The following IL7R variants were observed in gnomAD, a reference collection of about 807,000 sequenced individuals.
IL7R encodes the protein interleukin-7 receptor subunit alpha.
Under a neutral mutation model 47.0 loss-of-function variants are expected in IL7R, and 38 were observed. The ratio of observed to expected loss-of-function variants is 0.81; its 90% CI spans 0.62 to 1.06. IL7R has a LOEUF of 1.06. Among genes scored for constraint, IL7R ranks in the 50% least tolerant of loss-of-function variants. The pLI is 0.00. For synonymous variants in IL7R, 221 were observed against 199.8 expected (o/e 1.11, Z -0.89); for missense variants, 633 against 534.8 (o/e 1.18, Z -1.81).
chr5:35,875,098 C>G (rs890656249), intron 6 of IL7R, among the ~76,000 whole-genome samples: 4 of 152,276 alleles, frequency 2.6e-5, no homozygotes, highest in Middle Eastern at 3.4e-3. Context: ...TCCCCCACTT[C>G]CACCAAAATT....
chr5:35,864,253 C>T (rs1350823962), intron 2 of IL7R, among the ~76,000 whole-genome samples: 1 of 152,116 alleles, frequency 6.6e-6, no homozygotes. Context: ...GAATATACCA[C>T]AAATTTTTAA....
Position 35,856,964 on chromosome 5 carries a change from C to A in IL7R, c.-14C>A, listed in dbSNP as rs1272485354. 1 of 1,482,956 alleles carries A rather than the reference C, an allele frequency of 6.7e-7. No homozygotes were observed. The highest frequency in any genetic ancestry group is 1.1e-5 in the South Asian group (1 of 88,484). 91.9% of individuals were successfully genotyped at this position (1,482,956 alleles called of 1,614,324 possible). ...TGGCTCACACATCTACTCTCTCTCTCTATCTCTCTCAGAATGACAATTCTA... is the reference window on the plus strand; with the variant it reads ...TGGCTCACACATCTACTCTCTCTCTATATCTCTCTCAGAATGACAATTCTA... On this transcript the variant is annotated 5_prime_UTR_variant, in exon 1 of 8. Transcript: ENST00000303115.
At chr5:35,863,180 G>A (rs1441380272) in intron 2 of IL7R, among the ~76,000 whole-genome samples, 3 of 152,056 alleles carry the variant, frequency 2.0e-5, no homozygotes, top group Admixed American at 6.6e-5. Flanking sequence ...CAAAAGTAAC[G>A]ATTTGGGAGA....
At chr5:35,865,417 C>T (rs569670558) in intron 2 of IL7R, among the ~76,000 whole-genome samples, 4 of 152,290 alleles carry the variant, frequency 2.6e-5, no homozygotes, top group Admixed American at 6.5e-5. Context: ...CTGCAATAAT[C>T]GTACATGTGC....
chr5:35,861,025 T>A, intron 2 of IL7R, 35 bp downstream of exon 2: 1 of 1,601,832 alleles, frequency 6.2e-7, no homozygotes, highest in Non-Finnish European at 8.6e-7. Flanking sequence ...TGCTTAGACA[T>A]CCTCTGTCTC....
At position 35,875,988 on chromosome 5, in the gene IL7R, A is replaced by C. The variant is rs193922647; in HGVS notation, c.882A>C (p.Leu294Phe). ...EHLCKKPRKN[L>F]NVSFNPESFL... ...TTTCTCCTTTTTCTGTGCAGAATTT[A>C]AATGTGAGTTTCAATCCTGAAAGTT... The change falls in exon 8 of 8, where the codon TTA (leucine) becomes TTC (phenylalanine). Residue 294 changes from leucine (L) to phenylalanine (F), a missense_variant. Physicochemically the swap from Leu to Phe is conservative, Grantham distance 22 (BLOSUM62 0). Coordinates refer to ENST00000303115, the MANE Select transcript of IL7R (RefSeq NM_002185.5). 6.2e-7 allele frequency: 1 copy of C among 1,612,352 alleles called. No individual in the cohort carries two copies. Among genetic ancestry groups the C allele is most frequent in the Admixed American group, 1.7e-5 (1 of 60,026 alleles).
chr5:35,873,681 A>G, intron 5 of IL7R, 33 bp downstream of exon 5: 2 of 1,602,558 alleles, frequency 1.2e-6, no homozygotes, highest in Non-Finnish European at 8.5e-7. Context: ...TTGTTCCCTC[A>G]GAGTGCTTTG....
chr5:35,862,944 T>C (rs1256517906), intron 2 of IL7R, among the ~76,000 whole-genome samples: 1 of 152,102 alleles, frequency 6.6e-6, no homozygotes, highest in Non-Finnish European at 1.5e-5. Flanking sequence ...CGTGACAACA[T>C]TACCATCTTC....
intron 3 of IL7R, 139 bp downstream of exon 3, chr5:35,867,602 T>G (rs1759972225): frequency 1.4e-6 from 1 of 722,090 alleles, no homozygotes; most frequent in East Asian, 2.7e-5. Context: ...TACTGTAAAT[T>G]TTTATAATAA....
chr5:35,878,224 A>C lies in IL7R; in HGVS notation c.*1738A>C, dbSNP rs1760263301. On this transcript the variant is annotated 3_prime_UTR_variant, in exon 8 of 8. Transcript: ENST00000303115. Reference sequence around the variant, plus strand: ...CTCTGCACCAGCAGTAATAAATACAATGCCATAATCCCTTAGGTTTGCCTA... The same window carrying C: ...CTCTGCACCAGCAGTAATAAATACACTGCCATAATCCCTTAGGTTTGCCTA... 1 of 233,144 alleles carries C rather than the reference A, an allele frequency of 4.3e-6. No homozygotes were observed. The highest frequency in any genetic ancestry group is 2.2e-5 in the African/African-American group (1 of 45,358). The allele number at this position is 233,144 out of a possible 1,614,324, so 14.4% of individuals were successfully genotyped here.
intron 4 of IL7R, among the ~76,000 whole-genome samples, chr5:35,871,587 C>T (rs1468934445): frequency 6.6e-6 from 1 of 152,206 alleles, no homozygotes; most frequent in Non-Finnish European, 1.5e-5. Flanking sequence ...CAAGTCGTAG[C>T]CACATTCTGG....
Position 35,860,855 on chromosome 5 carries a change from A to G in IL7R, c.86A>G (p.Asp29Gly). Residue 29 changes from aspartate (D) to glycine (G), a missense_variant, in exon 2 of 8, where the codon GAC becomes GGC. Coordinates refer to ENST00000303115, the MANE Select transcript of IL7R (RefSeq NM_002185.5). ...CTGCATGTTTGTTCCTCCCCAGGAG[A>G]CTTGGAAGATGCAGAACTGGATGAC... ...SGESGYAQNG[D>G]LEDAELDDYS... 6.2e-7 allele frequency: 1 copy of G among 1,613,424 alleles called. No homozygotes were observed. The highest frequency in any genetic ancestry group is 8.5e-7 in the Non-Finnish European group (1 of 1,179,488).
intron 7 of IL7R, 179 bp from the exon 8 acceptor site, chr5:35,875,804 G>A: frequency 2.5e-6 from 2 of 788,522 alleles, no homozygotes; most frequent in Non-Finnish European, 2.1e-6. Context: ...ACAGCCAGTG[G>A]TCACTTCAAG....
In IL7R at chr5:35,867,370, A is replaced by G. The variant is rs1486189632; in HGVS notation, c.286A>G (p.Thr96Ala). ...RKLQEIYFIE[T>A]KKFLLIGKSN... ...ACTACAAGAGATATATTTCATCGAG[A>G]CAAAGAAATTCTTACTGATTGGAAA... Residue 96 changes from threonine (T) to alanine (A), a missense_variant, in exon 3 of 8, where the codon ACA (threonine) becomes GCA (alanine). Coordinates refer to ENST00000303115, the MANE Select transcript of IL7R (RefSeq NM_002185.5). The G allele has an allele frequency of 3.1e-6, 5 of 1,613,528 alleles. No individual in the cohort carries two copies. Among genetic ancestry groups the G allele is most frequent in the South Asian group, 1.1e-5 (1 of 91,068 alleles).
At position 35,876,299 on chromosome 5, in the gene IL7R, C is replaced by T. The variant is rs1217592688; in HGVS notation, c.1193C>T (p.Pro398Leu). The T allele has an allele frequency of 1.2e-6, 2 of 1,613,884 alleles. No homozygotes were observed. Among genetic ancestry groups the T allele is most frequent in the Admixed American group, 1.7e-5 (1 of 60,004 alleles). ...LDCRESGKNGPHVYQDLLLSL... is the reference protein window; with the variant it reads ...LDCRESGKNGLHVYQDLLLSL... ...TGCAGGGAGAGTGGCAAGAATGGGC[C>T]TCATGTGTACCAGGACCTCCTGCTT... The change falls in exon 8 of 8, where the codon CCT becomes CTT. Residue 398 changes from proline (P) to leucine (L), a missense_variant. Transcript: ENST00000303115.
Position 35,876,977 on chromosome 5 carries a change from T to A in IL7R, c.*491T>A, listed in dbSNP as rs547845372. On this transcript the variant is annotated 3_prime_UTR_variant, in exon 8 of 8. Coordinates refer to ENST00000303115, the MANE Select transcript of IL7R (RefSeq NM_002185.5). Reference sequence around the variant, plus strand: ...CTACGACTACTCTCTTTTTTATAGATCATTAAATTCAGAACTAAGGAGTTA... The same window carrying A: ...CTACGACTACTCTCTTTTTTATAGAACATTAAATTCAGAACTAAGGAGTTA... 2.8e-5 allele frequency: 7 copies of A among 245,956 alleles called. No homozygotes were observed. The South Asian group carries it at 1.0e-3, about 35-fold the overall frequency. 15.2% of individuals were successfully genotyped at this position (245,956 alleles called of 1,614,324 possible). A position where few individuals can be genotyped will look rare whatever the true frequency, so the allele number is the denominator to read the frequency against.
intron 2 of IL7R, among the ~76,000 whole-genome samples, chr5:35,866,155 G>C (rs1303240937): frequency 6.6e-6 from 1 of 152,078 alleles, no homozygotes; most frequent in Non-Finnish European, 1.5e-5. Flanking sequence ...ATTATGCTTT[G>C]AATGCATTGA....
chr5:35,878,340 C>T lies in IL7R; in HGVS notation c.*1854C>T, dbSNP rs1488588728. 2.1e-5 allele frequency: 5 copies of T among 233,122 alleles called. No homozygotes were observed. Among genetic ancestry groups the T allele is most frequent in the Admixed American group, 5.6e-5 (1 of 17,776 alleles). 14.4% of individuals were successfully genotyped at this position (233,122 alleles called of 1,614,324 possible). On this transcript the variant is annotated 3_prime_UTR_variant, in exon 8 of 8. Transcript: ENST00000303115. ...GAAAGCCTGCTACATGTCAATCATA[C>T]TGTTAGGCACAGGGGACCTAAAGAC... is the stretch of plus-strand genomic sequence containing the variant.
At position 35,877,593 on chromosome 5, in the gene IL7R, T is replaced by A. The variant is rs2149907214; in HGVS notation, c.*1107T>A. 4.3e-6 allele frequency: 1 copy of A among 233,140 alleles called. No individual in the cohort carries two copies. The highest frequency in any genetic ancestry group is 6.0e-5 in the East Asian group (1 of 16,574). 14.4% of individuals were successfully genotyped at this position (233,140 alleles called of 1,614,324 possible). A position where few individuals can be genotyped will look rare whatever the true frequency, so the allele number is the denominator to read the frequency against. On this transcript the variant is annotated 3_prime_UTR_variant, in exon 8 of 8. Transcript: ENST00000303115. ...GTGAGAGGAGGCATGACCCCTCCCA[T>A]GTGTATAGACACTACCCCAACCTAA...
Sources: gnomAD v4.1 joint callset for allele counts (sites outside exome capture counted in the v4.1 genomes callset) on GRCh38, gnomAD v4.1.1 for gene constraint, MANE v1.5 for transcripts, NCBI Gene and HGNC (gene_info 2026-07-23, HGNC 2026-07-21) for gene names.